WDR88: variants seen among roughly 807,000 people sequenced by gnomAD.
The protein encoded by WDR88 is WD repeat domain 88, also known as WD repeat-containing protein 88.
WDR88 carries 40 observed loss-of-function variants against 46.8 expected under a neutral mutation model. That is an observed-to-expected ratio of 0.86 (90% CI 0.66 to 1.11). The LOEUF (loss-of-function observed/expected upper bound fraction) is 1.11, where lower values mean the gene tolerates loss of function less well. Among genes scored for constraint, WDR88 ranks in the 50% most tolerant of loss-of-function variants. WDR88 has a pLI of 0.00. For synonymous variants in WDR88, 235 were observed against 240.7 expected (o/e 0.98, Z 0.22); for missense variants, 562 against 602.4 (o/e 0.93, Z 0.70).
chr19:33,160,380 AC>A, intron 7 of WDR88, 33 bp from the exon 8 acceptor site: 1 of 1,610,732 alleles, frequency 6.2e-7, no homozygotes. Context: ...TGGAAAGTTG[AC>A]CCCCATCTCC....
intron 2 of WDR88, among the ~76,000 whole-genome samples, chr19:33,139,300 G>C (rs953576711): frequency 6.6e-6 from 1 of 152,240 alleles, no homozygotes; most frequent in African/African-American, 2.4e-5. Context: ...GGCATGGCCA[G>C]CAGGCCCAGG....
intron 8 of WDR88, among the ~76,000 whole-genome samples, chr19:33,161,472 G>A (rs974539527): frequency 6.6e-6 from 1 of 152,150 alleles, no homozygotes; most frequent in African/African-American, 2.4e-5. Context: ...ACCTTTGGCT[G>A]TGAATGCGTG....
At chr19:33,169,787 G>A (rs1242602375) in intron 9 of WDR88, among the ~76,000 whole-genome samples, 2 of 151,604 alleles carry the variant, frequency 1.3e-5, no homozygotes, top group Non-Finnish European at 2.9e-5. Context: ...AGCTTGCTTT[G>A]AAAGACCAGG....
chr19:33,154,062 G>A (rs756393525), intron 6 of WDR88, among the ~76,000 whole-genome samples: 39 of 152,144 alleles, frequency 2.6e-4, no homozygotes, highest in Non-Finnish European at 4.3e-4. Flanking sequence ...GTCCAGAACT[G>A]TACGTGCAGC....
intron 8 of WDR88, among the ~76,000 whole-genome samples, chr19:33,163,270 TTGCAGTGAGCCGAGATCACACCAC>T (rs2145413664): frequency 6.6e-6 from 1 of 151,630 alleles, no homozygotes; most frequent in Non-Finnish European, 1.5e-5. Flanking sequence ...GAGGCGGAGC[TTGCAGTGAGCCGAGATCACACCAC>T]TGCACTCCAG....
intron 10 of WDR88, among the ~76,000 whole-genome samples, chr19:33,172,888 G>A (rs1974061357): frequency 6.6e-6 from 1 of 151,804 alleles, no homozygotes; most frequent in Non-Finnish European, 1.5e-5. Context: ...TCAGGAGTTC[G>A]AGACCAGCCT....
chr19:33,152,092 C>T (rs915162838), intron 6 of WDR88, among the ~76,000 whole-genome samples: 5 of 150,176 alleles, frequency 3.3e-5, no homozygotes, highest in African/African-American at 1.2e-4. Context: ...CTTAGCTGGG[C>T]GTGGTGGCGG....
At chr19:33,164,748 C>T (rs1973926635) in intron 9 of WDR88, among the ~76,000 whole-genome samples, 1 of 152,090 alleles carries the variant, frequency 6.6e-6, no homozygotes, top group Non-Finnish European at 1.5e-5. Flanking sequence ...CATATTAGAG[C>T]AGCAGTCCCC....
chr19:33,157,728 TATATATATAA>T (rs1432697428), intron 7 of WDR88, among the ~76,000 whole-genome samples: 4,986 of 63,064 alleles, frequency 0.079, 442 homozygotes, highest in African/African-American at 0.25. Flanking sequence ...TATATATATA[TATATATATAA>T]AATTAAAGAG....
chr19:33,151,657 A>G (rs1198398348), intron 6 of WDR88, among the ~76,000 whole-genome samples: 1 of 152,110 alleles, frequency 6.6e-6, no homozygotes, highest in East Asian at 1.9e-4. Flanking sequence ...AAGTGGGAGG[A>G]TCACTTCAGG....
intron 1 of WDR88, 103 bp from the exon 2 acceptor site, chr19:33,137,574 T>C: frequency 9.4e-7 from 1 of 1,064,576 alleles, no homozygotes. Flanking sequence ...ATTCATTTTT[T>C]TCCGGGTGGT....
rs539218073 is a variant in WDR88, at chr19:33,169,062, A to C, written c.1150-3286A>C. On this transcript the variant is annotated intron_variant, in intron 9 of 10. Coordinates refer to ENST00000355868, the MANE Select transcript of WDR88 (RefSeq NM_173479.4). The stretch of plus-strand genomic sequence containing the variant: ...TTTACATGCAAAAGAATGAAATTGC[A>C]CCCTTACCTAATACTGTATAGAAAA... 2.6e-5 allele frequency among the ~76,000 whole-genome samples: 4 copies of C among 152,352 alleles called. No individual in the cohort carries two copies. In the East Asian group the frequency reaches 5.8e-4, roughly 22 times the overall value.
intron 7 of WDR88, among the ~76,000 whole-genome samples, chr19:33,158,702 T>C (rs1481944220): frequency 6.6e-6 from 1 of 152,062 alleles, no homozygotes; most frequent in African/African-American, 2.4e-5. Context: ...GCCACCATTT[T>C]TTTTTGTTGT....
rs77589178 is a variant in WDR88 at position 33,175,439 on chromosome 19, C to A, written c.1286C>A (p.Thr429Asn). ...DRPFSIFKSD[T>N]SSEMFTQCVF... Reference sequence around the variant, plus strand: ...CCTTTCTCCATCTTCAAGAGTGACACCTCTTCTGAAATGTTCACCCAATGC... The same window carrying A: ...CCTTTCTCCATCTTCAAGAGTGACAACTCTTCTGAAATGTTCACCCAATGC... The change falls in exon 11 of 11, where the codon ACC becomes AAC. Residue 429 changes from threonine (T) to asparagine (N), a missense_variant. Thr to Asn is a moderately conservative substitution (Grantham distance 65). Coordinates refer to ENST00000355868, the MANE Select transcript of WDR88 (RefSeq NM_173479.4). The A allele has an allele frequency of 3.3e-3, 5,342 of 1,614,118 alleles. 168 individuals carry two copies. The African/African-American group carries it at 0.06, about 18-fold the overall frequency.
At chr19:33,149,054 T>C in intron 5 of WDR88, 144 bp downstream of exon 5, 1 of 1,341,096 alleles carries the variant, frequency 7.5e-7, no homozygotes, top group Non-Finnish European at 1.0e-6. Flanking sequence ...CTAGGCTAGG[T>C]GCGGTGGCTG....
chr19:33,165,568 G>A (rs1973939490), intron 9 of WDR88, among the ~76,000 whole-genome samples: 1 of 152,202 alleles, frequency 6.6e-6, no homozygotes, highest in African/African-American at 2.4e-5. Flanking sequence ...ATTAACAGTA[G>A]GGCAAATTAA....
chr19:33,149,700 C>T (rs1207827797), intron 5 of WDR88, among the ~76,000 whole-genome samples: 2 of 151,690 alleles, frequency 1.3e-5, no homozygotes, highest in African/African-American at 4.8e-5. Flanking sequence ...GCTCTGTCTC[C>T]TAGGCTGGAG....
chr19:33,175,586 C>T lies in WDR88; in HGVS notation c.*14C>T. 1.2e-6 allele frequency: 2 copies of T among 1,613,870 alleles called. No individual in the cohort carries two copies. The highest frequency in any genetic ancestry group is 1.7e-6 in the Non-Finnish European group (2 of 1,179,926). ...AAGGATGACTGACAGCCACAGGCCC[C>T]TTTGAGTGACTCCAGCACAGGCTAC... On this transcript the variant is annotated 3_prime_UTR_variant, in exon 11 of 11. Coordinates refer to ENST00000355868, the MANE Select transcript of WDR88 (RefSeq NM_173479.4).
chr19:33,175,385 T>G lies in WDR88; in HGVS notation c.1243-11T>G. The G allele has an allele frequency of 1.2e-6, 2 of 1,613,790 alleles. No homozygotes were observed. Among genetic ancestry groups the G allele is most frequent in the Non-Finnish European group, 1.7e-6 (2 of 1,179,784 alleles). ...ACCTCCTTTCTGCTCTTTTAAAATATCCCATGTCAGTGCGAAAGATGTGAC... is the reference window on the plus strand; with the variant it reads ...ACCTCCTTTCTGCTCTTTTAAAATAGCCCATGTCAGTGCGAAAGATGTGAC... On this transcript the variant is annotated splice_polypyrimidine_tract_variant and intron_variant, in intron 10 of 10. Transcript: ENST00000355868.
Sources: allele counts gnomAD v4.1 joint callset (sites outside exome capture counted in the v4.1 genomes callset), GRCh38; gene constraint gnomAD v4.1.1; transcripts MANE v1.5; gene names NCBI Gene and HGNC (gene_info 2026-07-23, HGNC 2026-07-21).